SCHIP1: variants seen among roughly 807,000 people sequenced by gnomAD.
SCHIP1 encodes schwannomin-interacting protein 1.
In SCHIP1, 8 loss-of-function variants were observed where a neutral mutation model predicts 29.7. The ratio of observed to expected loss-of-function variants is 0.27; its 90% CI spans 0.16 to 0.49. The LOEUF (loss-of-function observed/expected upper bound fraction) is 0.49, where lower values mean the gene tolerates loss of function less well. Ranked by LOEUF, SCHIP1 falls within the 20% of genes least tolerant of loss-of-function variation. The pLI is 0.99. For synonymous variants in SCHIP1, 76 were observed against 94.9 expected (o/e 0.80, Z 1.16); for missense variants, 193 against 294.6 (o/e 0.66, Z 2.52).
chr3:159,498,732 T>A, the SCHIP1 span, among the ~76,000 whole-genome samples: 11 of 152,316 alleles, frequency 7.2e-5, no homozygotes, highest in East Asian at 2.1e-3. Context: ...GTCCTATTTA[T>A]GATAGCAACC....
the SCHIP1 span, among the ~76,000 whole-genome samples, chr3:159,794,324 T>C: frequency 6.6e-6 from 1 of 152,216 alleles, no homozygotes; most frequent in African/African-American, 2.4e-5. Context: ...TTTTATGATT[T>C]CTTTAAAAGG....
Position 159,896,762 on chromosome 3 carries a change from GC to G in SCHIP1, c.725del (p.Pro242LeufsTer14). On this transcript the variant is annotated frameshift_variant, in exon 7 of 7. Coordinates refer to ENST00000445224, the Ensembl canonical transcript of SCHIP1. LOFTEE classifies it high-confidence loss of function. ...AGCAGAAGCACATGGCAGAGAAAAT[GC>G]CTGCAAAGTGAAAAGAAGCCATTCA... is the stretch of plus-strand genomic sequence containing the variant. 6.2e-7 allele frequency: 1 copy of G among 1,607,180 alleles called. No homozygotes were observed.
At chr3:159,380,050 C>A in the SCHIP1 span, among the ~76,000 whole-genome samples, 1 of 152,024 alleles carries the variant, frequency 6.6e-6, no homozygotes, top group Non-Finnish European at 1.5e-5. Context: ...CCAAATGTAA[C>A]AATGTTAGAG....
the SCHIP1 span, among the ~76,000 whole-genome samples, chr3:159,358,594 C>T: frequency 6.6e-6 from 1 of 152,206 alleles, no homozygotes; most frequent in Non-Finnish European, 1.5e-5. Context: ...AAGAGCCACA[C>T]TGCTACTGAT....
At chr3:159,546,606 T>C in the SCHIP1 span, among the ~76,000 whole-genome samples, 20 of 152,282 alleles carry the variant, frequency 1.3e-4, no homozygotes, top group Admixed American at 1.3e-3. Flanking sequence ...TGGTGTGTGA[T>C]GTTCCCCTCC....
At chr3:159,777,208 T>C in the SCHIP1 span, among the ~76,000 whole-genome samples, 1 of 152,212 alleles carries the variant, frequency 6.6e-6, no homozygotes, top group South Asian at 2.1e-4. Context: ...ATCTTGCTCC[T>C]AATCCAACCT....
the SCHIP1 span, chr3:159,401,263 T>A: frequency 1.1e-6 from 1 of 888,132 alleles, no homozygotes; most frequent in Non-Finnish European, 1.3e-6. Context: ...AGGTTTCTAG[T>A]AAATGCTGAG....
At chr3:159,663,156 C>T in the SCHIP1 span, among the ~76,000 whole-genome samples, 1 of 152,154 alleles carries the variant, frequency 6.6e-6, no homozygotes, top group Non-Finnish European at 1.5e-5. Context: ...TCTAGGTCTC[C>T]AGGAACATGT....
the SCHIP1 span, among the ~76,000 whole-genome samples, chr3:159,782,263 C>T: frequency 6.6e-6 from 1 of 152,214 alleles, no homozygotes; most frequent in Non-Finnish European, 1.5e-5. Flanking sequence ...CAGGTGAATA[C>T]TATTCATCCC....
chr3:159,870,957 C>T lies in SCHIP1; in HGVS notation c.149+4676C>T, dbSNP rs1387764589. Among the ~76,000 whole-genome samples the T allele has an allele frequency of 7.2e-5, 11 of 152,060 alleles. No individual in the cohort carries two copies. In the East Asian group the frequency reaches 1.9e-3, roughly 27 times the overall value. On this transcript the variant is annotated intron_variant, in intron 2 of 6. Transcript: ENST00000445224. ...GTGTATTTGCTTTAACGACAGCTTC[C>T]ATTTCTTAAGTGGTTATAATATTAT...
chr3:159,500,730 A>G, the SCHIP1 span, among the ~76,000 whole-genome samples: 67,031 of 151,080 alleles, frequency 0.44, 15,769 homozygotes, highest in East Asian at 0.69. Context: ...AAAAAAGAAA[A>G]AAGAGACCAA....
the SCHIP1 span, among the ~76,000 whole-genome samples, chr3:159,514,266 T>C: frequency 6.6e-6 from 1 of 152,218 alleles, no homozygotes; most frequent in Non-Finnish European, 1.5e-5. Context: ...AAAAATCAAC[T>C]GATGATACAC....
At chr3:159,837,251 T>C (rs147706332), upstream of SCHIP1, among the ~76,000 whole-genome samples, 1 of 152,350 alleles carries the variant, frequency 6.6e-6, no homozygotes, top group African/African-American at 2.4e-5. Flanking sequence ...TCCTGAGTCT[T>C]AGGGTCATAG....
the SCHIP1 span, among the ~76,000 whole-genome samples, chr3:159,732,323 TG>T: frequency 6.6e-6 from 1 of 152,188 alleles, no homozygotes; most frequent in Non-Finnish European, 1.5e-5. Flanking sequence ...AAAAGTGCCC[TG>T]TCCCTTTAAG....
At chr3:159,803,633 C>G in the SCHIP1 span, among the ~76,000 whole-genome samples, 1 of 152,288 alleles carries the variant, frequency 6.6e-6, no homozygotes, top group Admixed American at 6.5e-5. Flanking sequence ...AGTCTGAACT[C>G]TCTAACGTAG....
intron 2 of SCHIP1, among the ~76,000 whole-genome samples, chr3:159,879,326 T>C (rs763157858): frequency 1.2e-4 from 18 of 152,184 alleles, no homozygotes; most frequent in Non-Finnish European, 1.8e-4. Context: ...TTTCCTCCTT[T>C]TTAAAGTGCT....
chr3:159,794,653 C>A, the SCHIP1 span, among the ~76,000 whole-genome samples: 2 of 152,116 alleles, frequency 1.3e-5, no homozygotes, highest in African/African-American at 4.8e-5. Flanking sequence ...TCTTTGTAAT[C>A]CTGTTTTTTA....
At chr3:159,816,839 C>T in the SCHIP1 span, among the ~76,000 whole-genome samples, 18 of 151,920 alleles carry the variant, frequency 1.2e-4, no homozygotes, top group Non-Finnish European at 2.2e-4. Context: ...GTACCCTTTG[C>T]CTGAAATGTT....
chr3:159,495,410 C>G, the SCHIP1 span, among the ~76,000 whole-genome samples: 13 of 152,326 alleles, frequency 8.5e-5, no homozygotes, highest in African/African-American at 3.1e-4. Flanking sequence ...TCAGCAAAGT[C>G]TCAGGATACA....
Sources: allele counts gnomAD v4.1 joint callset (sites outside exome capture counted in the v4.1 genomes callset), GRCh38; gene constraint gnomAD v4.1.1; transcripts MANE v1.5; gene names NCBI Gene and HGNC (gene_info 2026-07-23, HGNC 2026-07-21).